The following PCBP3 variants were observed in gnomAD, a reference collection of about 807,000 sequenced individuals.
PCBP3 encodes poly(rC) binding protein 3, also known as poly(rC)-binding protein 3.
Under a neutral mutation model 52.7 loss-of-function variants are expected in PCBP3, and 25 were observed. The observed-to-expected ratio is 0.47, with a 90% CI of 0.35 to 0.66. The LOEUF (loss-of-function observed/expected upper bound fraction) is 0.66. Ranked by LOEUF, PCBP3 falls within the 30% of genes least tolerant of loss-of-function variation. The pLI is 0.01. For missense variants in PCBP3, 391 were observed against 490.3 expected (o/e 0.80, Z 1.91); for synonymous variants, 162 against 183.0 (o/e 0.89, Z 0.93).
intron 5 of PCBP3, among the ~76,000 whole-genome samples, chr21:45,893,274 C>T (rs1191923830): frequency 6.7e-6 from 1 of 149,264 alleles, no homozygotes; most frequent in Non-Finnish European, 1.5e-5. Context: ...GGAGGCATCC[C>T]TGGCACCTGT....
chr21:45,804,210 G>T (rs373752797), intron 4 of PCBP3, among the ~76,000 whole-genome samples: 2 of 152,174 alleles, frequency 1.3e-5, no homozygotes, highest in Admixed American at 6.5e-5. Context: ...CCTGTGCACC[G>T]GGCTTTGTGC....
At chr21:45,850,854 A>G (rs1046967369) in intron 5 of PCBP3, among the ~76,000 whole-genome samples, 1 of 152,252 alleles carries the variant, frequency 6.6e-6, no homozygotes, top group Non-Finnish European at 1.5e-5. Flanking sequence ...TGTGGAGAGC[A>G]TAAGGCAATT....
rs1176418045 is a variant in PCBP3 at position 45,941,658 on chromosome 21, T to C, written c.1080-12T>C. Reference sequence around the variant, plus strand: ...TGACCGTCTCTCCCTCTCCTGCCTTTGTCTGTTCCAGGCTGACGTCCGAGG... The same window carrying C: ...TGACCGTCTCTCCCTCTCCTGCCTTCGTCTGTTCCAGGCTGACGTCCGAGG... On this transcript the variant is annotated splice_polypyrimidine_tract_variant and intron_variant, in intron 17 of 17. Transcript: ENST00000681687. 1 of 1,605,780 alleles carries C rather than the reference T, an allele frequency of 6.2e-7. No homozygotes were observed. The highest frequency in any genetic ancestry group is 8.5e-7 in the Non-Finnish European group (1 of 1,176,174).
chr21:45,820,999 G>C (rs1162187540), intron 4 of PCBP3, among the ~76,000 whole-genome samples: 1 of 152,180 alleles, frequency 6.6e-6, no homozygotes, highest in Non-Finnish European at 1.5e-5. Flanking sequence ...TCTGAGAGGA[G>C]ACCCGGCCCC....
chr21:45,878,380 G>T (rs995179478), intron 5 of PCBP3, among the ~76,000 whole-genome samples: 2 of 152,238 alleles, frequency 1.3e-5, no homozygotes, highest in Non-Finnish European at 2.9e-5. Flanking sequence ...TGGCACTGTG[G>T]CAAAAGCCAG....
chr21:45,896,779 AC>A (rs2095842872), intron 6 of PCBP3, among the ~76,000 whole-genome samples: 1 of 148,342 alleles, frequency 6.7e-6, no homozygotes, highest in African/African-American at 2.5e-5. Context: ...CCGGAGACGC[AC>A]TGCCTGGGCC....
intron 2 of PCBP3, among the ~76,000 whole-genome samples, chr21:45,674,988 C>T (rs963328742): frequency 6.6e-5 from 10 of 152,146 alleles, no homozygotes; most frequent in African/African-American, 1.7e-4. Context: ...TGGATGCCAC[C>T]GCATCTTCAG....
chr21:45,658,061 T>G (rs2080133700), intron 1 of PCBP3, among the ~76,000 whole-genome samples: 2 of 152,198 alleles, frequency 1.3e-5, no homozygotes, highest in South Asian at 4.1e-4. Flanking sequence ...ATGCCCTTAA[T>G]TAGGTTGAGG....
intron 5 of PCBP3, among the ~76,000 whole-genome samples, chr21:45,875,089 C>T (rs959743334): frequency 2.0e-5 from 3 of 152,272 alleles, no homozygotes; most frequent in African/African-American, 7.2e-5. Context: ...TGACGCGGCA[C>T]CTTCCTTCCA....
At chr21:45,759,124 C>A (rs1254638340) in intron 4 of PCBP3, among the ~76,000 whole-genome samples, 1 of 152,092 alleles carries the variant, frequency 6.6e-6, no homozygotes, top group Non-Finnish European at 1.5e-5. Context: ...TTGTAGTGTT[C>A]TTTCCTTGAA....
At chr21:45,745,832 C>T (rs1472841958) in intron 3 of PCBP3, among the ~76,000 whole-genome samples, 1 of 152,244 alleles carries the variant, frequency 6.6e-6, no homozygotes, top group African/African-American at 2.4e-5. Context: ...TGGGGGTCAC[C>T]CACACTTCAG....
intron 4 of PCBP3, 129 bp from the exon 5 acceptor site, chr21:45,849,832 C>G: frequency 1.9e-6 from 1 of 527,254 alleles, no homozygotes; most frequent in South Asian, 2.3e-5. Context: ...CACACTGTGC[C>G]TTGTACTCGA....
At chr21:45,694,993 G>T (rs918471536) in intron 2 of PCBP3, among the ~76,000 whole-genome samples, 1 of 152,078 alleles carries the variant, frequency 6.6e-6, no homozygotes, top group Non-Finnish European at 1.5e-5. Context: ...AAAAGACTTC[G>T]AATAGCACAG....
At chr21:45,782,677 A>G (rs1329297416) in intron 4 of PCBP3, among the ~76,000 whole-genome samples, 3 of 152,266 alleles carry the variant, frequency 2.0e-5, no homozygotes, top group Admixed American at 2.0e-4. Context: ...ATTCAAATTC[A>G]TGAAACAGCC....
chr21:45,756,520 G>T (rs1033088354), intron 4 of PCBP3, among the ~76,000 whole-genome samples: 2 of 152,028 alleles, frequency 1.3e-5, no homozygotes, highest in African/African-American at 4.8e-5. Flanking sequence ...GAACAATTTG[G>T]GGAGAATATG....
At chr21:45,712,712 T>C (rs1293769094) in intron 2 of PCBP3, among the ~76,000 whole-genome samples, 1 of 151,900 alleles carries the variant, frequency 6.6e-6, no homozygotes, top group East Asian at 1.9e-4. Flanking sequence ...TTTTTTTTTT[T>C]TTCCTATTGA....
chr21:45,815,107 AGTGGTGAG>A (rs2092853999), intron 4 of PCBP3, among the ~76,000 whole-genome samples: 1 of 86,966 alleles, frequency 1.1e-5, no homozygotes, highest in Non-Finnish European at 2.3e-5. Flanking sequence ...GTGAGTGGTG[AGTGGTGAG>A]TGAGTGGTGA....
intron 2 of PCBP3, among the ~76,000 whole-genome samples, chr21:45,679,675 C>CT (rs1388951712): frequency 6.6e-6 from 1 of 152,182 alleles, no homozygotes; most frequent in African/African-American, 2.4e-5. Flanking sequence ...CATCCTGTAT[C>CT]TGCTCTTAAT....
chr21:45,812,486 A>G (rs1034632690), intron 4 of PCBP3, among the ~76,000 whole-genome samples: 4 of 152,016 alleles, frequency 2.6e-5, no homozygotes, highest in African/African-American at 9.7e-5. Flanking sequence ...GCTCACTGTA[A>G]TCTCTGCCTC....
Sources: gnomAD v4.1 joint callset for allele counts (sites outside exome capture counted in the v4.1 genomes callset) on GRCh38, gnomAD v4.1.1 for gene constraint, MANE v1.5 for transcripts, NCBI Gene and HGNC (gene_info 2026-07-23, HGNC 2026-07-21) for gene names.